Variants in METTL8 observed in about 807,000 individuals in gnomAD.
METTL8 encodes methyltransferase 8, tRNA N3-cytidine.
Under a neutral mutation model 48.7 loss-of-function variants are expected in METTL8, and 32 were observed. The ratio of observed to expected loss-of-function variants is 0.66; its 90% CI spans 0.50 to 0.88. The LOEUF (loss-of-function observed/expected upper bound fraction) is 0.88, where lower values mean the gene tolerates loss of function less well. Ranked by LOEUF, METTL8 falls within the 40% of genes least tolerant of loss-of-function variation. The pLI is 0.00. For missense variants in METTL8, 464 were observed against 474.4 expected, an observed-to-expected ratio of 0.98 and a Z score of 0.20; for synonymous variants, 136 against 157.1, an observed-to-expected ratio of 0.87 and a Z score of 1.01.
chr2:171,422,767 C>G (rs1229516817), intron 1 of METTL8, among the ~76,000 whole-genome samples: 2 of 152,112 alleles, frequency 1.3e-5, no homozygotes, highest in Non-Finnish European at 2.9e-5. Flanking sequence ...ATATGATAGT[C>G]TTATATTCAC....
intron 5 of METTL8, chr2:171,332,203 C>T (rs1685608618): frequency 5.5e-6 from 1 of 180,422 alleles, no homozygotes; most frequent in African/African-American, 2.4e-5. Context: ...ATATTTATAT[C>T]TGGAGTCTAG....
At chr2:171,432,991 G>A (rs1251919714) in intron 1 of METTL8, 1 of 152,158 alleles carries the variant, frequency 6.6e-6, no homozygotes, top group African/African-American at 2.4e-5. Context: ...TACATTTAAG[G>A]AAGATTAATA....
Position 171,331,858 on chromosome 2 carries a change from C to T in METTL8, c.666G>A (p.Pro222=), listed in dbSNP as rs13023973. 0.22 allele frequency: 352,630 copies of T among 1,592,110 alleles called. 41,835 individuals carry two copies. Among genetic ancestry groups the T allele is most frequent in the Non-Finnish European group, 0.24 (281,522 of 1,166,512 alleles). The change falls in exon 6 of 10, where the codon CCG becomes CCA. Residue 222 remains proline (P), a synonymous_variant. Coordinates refer to ENST00000375258, the MANE Select transcript of METTL8 (RefSeq NM_001321154.2). ...AATCACAACAATACAGAAAGGACTC[C>T]GGAGAGTTCCTATGAAGATGGAAGA... The part of the protein sequence containing the change: ...FPILNTLENS[P]ESFLYCCDFA...
At position 171,360,460 on chromosome 2, in the gene METTL8, T is replaced by C. The variant is rs1345704211; in HGVS notation, c.197A>G (p.Lys66Arg). The C allele has an allele frequency of 6.2e-7, 1 of 1,613,948 alleles. No homozygotes were observed. The change falls in exon 3 of 10, where the codon AAA (lysine) becomes AGA (arginine). Residue 66 changes from lysine (K) to arginine (R), a missense_variant. Coordinates refer to ENST00000375258, the MANE Select transcript of METTL8 (RefSeq NM_001321154.2). The stretch of plus-strand genomic sequence containing the variant: ...AAGGACTCGCACAGCTGAGTTTTCT[T>C]TTACTTTTTTTCTGGCTGCTGCTTC... ...EEEAAARKKV[K>R]ENSAVRVLLE...
At chr2:171,356,367 G>A (rs1355786874) in intron 3 of METTL8, among the ~76,000 whole-genome samples, 2 of 152,158 alleles carry the variant, frequency 1.3e-5, no homozygotes, top group African/African-American at 2.4e-5. Context: ...TTGAACTCCT[G>A]ACCTCAGGTG....
At chr2:171,327,324 A>G (rs567910949) in intron 7 of METTL8, among the ~76,000 whole-genome samples, 1 of 152,336 alleles carries the variant, frequency 6.6e-6, no homozygotes, top group South Asian at 2.1e-4. Context: ...CAGATCTCAT[A>G]TTAATTCTGA....
intron 9 of METTL8, among the ~76,000 whole-genome samples, chr2:171,325,121 CAAAAA>C (rs3835041): frequency 7.9e-5 from 6 of 76,050 alleles, no homozygotes; most frequent in African/African-American, 3.3e-4. Flanking sequence ...GACTCTGTCT[CAAAAA>C]AAAAAAAAAA....
intron 2 of METTL8, among the ~76,000 whole-genome samples, chr2:171,363,280 T>G (rs1178825563): frequency 6.6e-6 from 1 of 152,152 alleles, no homozygotes; most frequent in Non-Finnish European, 1.5e-5. Context: ...ATGTTCCTAC[T>G]GTATTTATGG....
chr2:171,329,299 C>T (rs1269805753), intron 7 of METTL8, among the ~76,000 whole-genome samples: 1 of 152,232 alleles, frequency 6.6e-6, no homozygotes, highest in Non-Finnish European at 1.5e-5. Context: ...CCTTTCTCTT[C>T]TCTATAACAT....
At chr2:171,380,852 C>T (rs776586852) in intron 2 of METTL8, among the ~76,000 whole-genome samples, 1 of 152,174 alleles carries the variant, frequency 6.6e-6, no homozygotes, top group Non-Finnish European at 1.5e-5. Context: ...CAATGTTATT[C>T]CCATCAAACT....
rs71013037 is a variant in METTL8 at position 171,336,863 on chromosome 2, C to CTTTT, written c.656+586_656+589dup. Among the ~76,000 whole-genome samples the CTTTT allele has an allele frequency of 3.1e-3, 272 of 88,072 alleles. 7 individuals are homozygous for CTTTT. The highest frequency in any genetic ancestry group is 4.6e-3 in the African/African-American group (102 of 22,256). 57.8% of individuals were successfully genotyped at this position (88,072 alleles called of 152,430 possible). A position where few individuals can be genotyped will look rare whatever the true frequency, so the allele number is the denominator to read the frequency against. On this transcript the variant is annotated intron_variant, in intron 5 of 9. Transcript: ENST00000375258. ...CAGTGGAAGGATGAAATCACTTCCTCTTTTTTTTTTTTTTTTTTTTTTTGA... is the reference window on the plus strand; with the variant it reads ...CAGTGGAAGGATGAAATCACTTCCTCTTTTTTTTTTTTTTTTTTTTTTTTTTTGA...
intron 3 of METTL8, among the ~76,000 whole-genome samples, chr2:171,356,993 C>A (rs1392297813): frequency 1.1e-5 from 1 of 93,978 alleles, no homozygotes; most frequent in Non-Finnish European, 2.1e-5. Flanking sequence ...ACTCTGTCAC[C>A]CAGGCTGCAG....
chr2:171,372,430 T>C (rs946449642), intron 2 of METTL8, among the ~76,000 whole-genome samples: 5 of 152,032 alleles, frequency 3.3e-5, no homozygotes, highest in African/African-American at 1.2e-4. Context: ...TCTCTCTATA[T>C]ATAAAAGCAA....
At chr2:171,325,178 C>G (rs531978642) in intron 9 of METTL8, among the ~76,000 whole-genome samples, 5 of 146,740 alleles carry the variant, frequency 3.4e-5, no homozygotes, top group African/African-American at 1.2e-4. Flanking sequence ...TTCCTTCTTT[C>G]TATTTTGAAA....
At chr2:171,363,817 T>TATATATATATATATATATATATG (rs1228494441) in intron 2 of METTL8, among the ~76,000 whole-genome samples, 1 of 129,056 alleles carries the variant, frequency 7.7e-6, no homozygotes, top group African/African-American at 2.9e-5. Context: ...TATATATATC[T>TATATATATATATATATATATATG]TTTTTTTTTT....
At chr2:171,412,695 C>G (rs1364579912) in intron 1 of METTL8, among the ~76,000 whole-genome samples, 1 of 151,388 alleles carries the variant, frequency 6.6e-6, no homozygotes, top group Non-Finnish European at 1.5e-5. Flanking sequence ...TACAGAAGAT[C>G]ACTGTCTTCT....
chr2:171,421,510 A>G (rs1691876104), intron 1 of METTL8, among the ~76,000 whole-genome samples: 1 of 151,986 alleles, frequency 6.6e-6, no homozygotes, highest in African/African-American at 2.4e-5. Flanking sequence ...ATTTATAACA[A>G]TGACCAAAAA....
At chr2:171,362,292 G>C (rs1289295174) in intron 2 of METTL8, among the ~76,000 whole-genome samples, 2 of 151,992 alleles carry the variant, frequency 1.3e-5, no homozygotes, top group Non-Finnish European at 2.9e-5. Context: ...AGGGGGAGAG[G>C]GAGACACTGA....
At chr2:171,394,357 G>A (rs183465073) in intron 1 of METTL8, among the ~76,000 whole-genome samples, 31 of 151,640 alleles carry the variant, frequency 2.0e-4, no homozygotes, top group African/African-American at 7.3e-4. Flanking sequence ...AAATAATCAC[G>A]TGATACTTAT....
Sources: gnomAD v4.1 joint callset for allele counts (sites outside exome capture counted in the v4.1 genomes callset) on GRCh38, gnomAD v4.1.1 for gene constraint, MANE v1.5 for transcripts, NCBI Gene and HGNC (gene_info 2026-07-23, HGNC 2026-07-21) for gene names.